Variants in RAB38 observed in about 807,000 individuals in gnomAD.
The protein encoded by RAB38 is RAB38, member RAS oncogene family, also known as ras-related protein Rab-38.
RAB38 carries 15 observed loss-of-function variants against 18.4 expected under a neutral mutation model. The observed-to-expected ratio is 0.82, with a 90% CI of 0.55 to 1.26. The LOEUF (loss-of-function observed/expected upper bound fraction) is 1.26. RAB38 is among the 50% of genes most tolerant of loss of function. RAB38 has a pLI of 0.00. For synonymous variants in RAB38, 101 were observed against 104.4 expected (o/e 0.97, Z 0.20); for missense variants, 294 against 267.4 (o/e 1.10, Z -0.69).
At chr11:88,026,872 A>C in the RAB38 span, among the ~76,000 whole-genome samples, 4 of 152,278 alleles carry the variant, frequency 2.6e-5, no homozygotes, top group East Asian at 7.7e-4. Context: ...AAAAATATAT[A>C]ATCTGAATCA....
At chr11:87,922,960 G>A in the RAB38 span, among the ~76,000 whole-genome samples, 1 of 151,310 alleles carries the variant, frequency 6.6e-6, no homozygotes, top group Non-Finnish European at 1.5e-5. Context: ...GAAGGAAAAA[G>A]TAAGGAAGGA....
chr11:87,948,068 C>T, the RAB38 span, among the ~76,000 whole-genome samples: 2 of 152,088 alleles, frequency 1.3e-5, no homozygotes, highest in South Asian at 2.1e-4. Flanking sequence ...TCTTTTATTT[C>T]ATTGAGCAGT....
At chr11:88,168,910 CCCT>C (rs1480860073) in intron 1 of RAB38, among the ~76,000 whole-genome samples, 2 of 152,110 alleles carry the variant, frequency 1.3e-5, no homozygotes, top group Non-Finnish European at 2.9e-5. Flanking sequence ...TTATCAGCCC[CCCT>C]AATACCTTAT....
At chr11:87,956,314 TAC>T in the RAB38 span, among the ~76,000 whole-genome samples, 3 of 152,166 alleles carry the variant, frequency 2.0e-5, no homozygotes, top group Admixed American at 6.6e-5. Context: ...ATTATAAAAT[TAC>T]ACAGAGCATA....
chr11:87,838,769 G>A, the RAB38 span, among the ~76,000 whole-genome samples: 2 of 152,188 alleles, frequency 1.3e-5, no homozygotes, highest in African/African-American at 4.8e-5. Flanking sequence ...ATGACATCCT[G>A]AAATAGTTTT....
chr11:88,120,431 T>C (rs564804733), intron 2 of RAB38, among the ~76,000 whole-genome samples: 6 of 152,256 alleles, frequency 3.9e-5, no homozygotes, highest in Admixed American at 3.3e-4. Context: ...TACTTTACCA[T>C]GGTATCTCCA....
At chr11:88,082,360 G>C in the RAB38 span, among the ~76,000 whole-genome samples, 1 of 151,694 alleles carries the variant, frequency 6.6e-6, no homozygotes, top group African/African-American at 2.4e-5. Context: ...GACATGCAAA[G>C]CCAAAAAGGA....
chr11:87,813,862 G>A, the RAB38 span, among the ~76,000 whole-genome samples: 6 of 152,216 alleles, frequency 3.9e-5, no homozygotes, highest in Admixed American at 6.5e-5. Flanking sequence ...TTAAACTTTC[G>A]TTTATTGCTA....
chr11:87,962,569 T>TA, the RAB38 span, among the ~76,000 whole-genome samples: 10 of 152,142 alleles, frequency 6.6e-5, no homozygotes, highest in African/African-American at 2.4e-4. Flanking sequence ...TATAAATTGA[T>TA]ATATCCTCAG....
chr11:88,035,542 C>G, the RAB38 span, among the ~76,000 whole-genome samples: 1 of 152,064 alleles, frequency 6.6e-6, no homozygotes, highest in African/African-American at 2.4e-5. Flanking sequence ...GAAGCCAGTC[C>G]GAGTCTCAAG....
chr11:88,025,024 A>T, the RAB38 span, among the ~76,000 whole-genome samples: 4 of 152,220 alleles, frequency 2.6e-5, no homozygotes, highest in Admixed American at 2.6e-4. Context: ...GTATAAATGG[A>T]TTGTTTATAA....
chr11:88,075,970 C>G, the RAB38 span, among the ~76,000 whole-genome samples: 1 of 148,234 alleles, frequency 6.7e-6, no homozygotes, highest in African/African-American at 2.5e-5. Context: ...AAACCAAACT[C>G]AAAAACAGTA....
At chr11:87,912,494 A>G in the RAB38 span, among the ~76,000 whole-genome samples, 1 of 151,958 alleles carries the variant, frequency 6.6e-6, no homozygotes, top group African/African-American at 2.4e-5. Context: ...GTTATTCATA[A>G]TATTCACTTA....
the RAB38 span, among the ~76,000 whole-genome samples, chr11:88,072,514 T>C: frequency 0.03 from 4,505 of 152,018 alleles, 79 homozygotes; most frequent in Middle Eastern, 0.068. Flanking sequence ...ACAGAAAAAA[T>C]AAATATTTAA....
At chr11:87,904,638 A>G in the RAB38 span, among the ~76,000 whole-genome samples, 145,071 of 151,662 alleles carry the variant, frequency 0.96, 69,417 homozygotes, top group East Asian at 1. Context: ...TCTGTTTTAA[A>G]TTCTTTGAGA....
At chr11:88,020,316 C>T in the RAB38 span, among the ~76,000 whole-genome samples, 2 of 152,010 alleles carry the variant, frequency 1.3e-5, no homozygotes, top group East Asian at 1.9e-4. Flanking sequence ...ATATATCAGA[C>T]AAAATAGATT....
chr11:87,966,771 C>T, the RAB38 span, among the ~76,000 whole-genome samples: 1 of 152,174 alleles, frequency 6.6e-6, no homozygotes, highest in Non-Finnish European at 1.5e-5. Context: ...ACATTAAGTA[C>T]ATAATTTTAT....
At chr11:87,951,515 C>T in the RAB38 span, among the ~76,000 whole-genome samples, 1 of 151,582 alleles carries the variant, frequency 6.6e-6, no homozygotes, top group Non-Finnish European at 1.5e-5. Context: ...TTTTTTTTCC[C>T]ATCTTTGTGG....
the RAB38 span, among the ~76,000 whole-genome samples, chr11:87,936,996 T>G: frequency 5.3e-5 from 8 of 152,014 alleles, no homozygotes; most frequent in African/African-American, 1.9e-4. Flanking sequence ...GGCGAGAACT[T>G]TTAGCAACAT....
Sources: gnomAD v4.1 joint callset for allele counts (sites outside exome capture counted in the v4.1 genomes callset) on GRCh38, gnomAD v4.1.1 for gene constraint, MANE v1.5 for transcripts, NCBI Gene and HGNC (gene_info 2026-07-23, HGNC 2026-07-21) for gene names.